BANK1: variants seen among roughly 807,000 people sequenced by gnomAD.
The protein encoded by BANK1 is B cell scaffold protein with ankyrin repeats 1.
BANK1 carries 95 observed loss-of-function variants against 94.5 expected under a neutral mutation model. That is an observed-to-expected ratio of 1.00 (90% CI 0.85 to 1.19). The LOEUF is 1.19. Ranked by LOEUF, BANK1 falls within the 50% of genes most tolerant of loss-of-function variation. BANK1 has a pLI of 0.00. For missense variants in BANK1, 987 were observed against 932.2 expected (o/e 1.06, Z -0.77); for synonymous variants, 334 against 308.4 (o/e 1.08, Z -0.87).
At chr4:101,867,371 A>C (rs961774630) in intron 4 of BANK1, among the ~76,000 whole-genome samples, 8 of 152,046 alleles carry the variant, frequency 5.3e-5, no homozygotes, top group Non-Finnish European at 8.8e-5. Flanking sequence ...AAAATGAAGG[A>C]GTTCATTACC....
intron 7 of BANK1, among the ~76,000 whole-genome samples, chr4:101,993,803 T>A (rs531292320): frequency 6.6e-6 from 1 of 152,332 alleles, no homozygotes; most frequent in Non-Finnish European, 1.5e-5. Context: ...AGCTTTTGGC[T>A]AAATGCCTTC....
chr4:101,946,225 G>A (rs749363921), intron 7 of BANK1, among the ~76,000 whole-genome samples: 6 of 151,838 alleles, frequency 4.0e-5, no homozygotes, highest in East Asian at 1.9e-4. Flanking sequence ...AATGTTATGC[G>A]ATGAGATAAT....
At chr4:102,041,072 A>G (rs542685923) in intron 10 of BANK1, among the ~76,000 whole-genome samples, 4 of 152,102 alleles carry the variant, frequency 2.6e-5, no homozygotes, top group Non-Finnish European at 5.9e-5. Context: ...TGCTTTACAA[A>G]ATAATGTACT....
intron 2 of BANK1, among the ~76,000 whole-genome samples, chr4:101,835,783 T>G (rs1033117623): frequency 3.3e-5 from 5 of 152,210 alleles, no homozygotes; most frequent in African/African-American, 1.2e-4. Flanking sequence ...CTTTCAGCTC[T>G]TTGAAGGTAT....
At position 101,893,266 on chromosome 4, in the gene BANK1, T is replaced by C. The variant is rs534459738; in HGVS notation, c.904-2039T>C. On this transcript the variant is annotated intron_variant, in intron 5 of 16. Coordinates refer to ENST00000322953, the MANE Select transcript of BANK1 (RefSeq NM_017935.5). ...TAGTTTTCATATTCCTAGTGGGAAC[T>C]CTTGCTGTTTTGAATTCTCATCTGT... is the stretch of plus-strand genomic sequence containing the variant. Among the ~76,000 whole-genome samples, 8 of 152,152 alleles carry C rather than the reference T, an allele frequency of 5.3e-5. No homozygotes were observed. In the South Asian group the frequency reaches 1.7e-3, roughly 32 times the overall value.
Position 102,074,318 on chromosome 4 carries a change from T to G in BANK1, c.*319T>G, listed in dbSNP as rs916453024. On this transcript the variant is annotated 3_prime_UTR_variant, in exon 17 of 17. Transcript: ENST00000322953. Reference sequence around the variant, plus strand: ...AAGAAAACAGCACAGAGAAGTTAAATGCGGTGTAGCAAAGTTATGGGGTCT... The same window carrying G: ...AAGAAAACAGCACAGAGAAGTTAAAGGCGGTGTAGCAAAGTTATGGGGTCT... The G allele has an allele frequency of 6.6e-6, 1 of 152,164 alleles. No homozygotes were observed. Among genetic ancestry groups the G allele is most frequent in the Non-Finnish European group, 1.5e-5 (1 of 67,978 alleles). The allele number at this position is 152,164 out of a possible 1,614,324, so 9.4% of individuals were successfully genotyped here. A position where few individuals can be genotyped will look rare whatever the true frequency, so the allele number is the denominator to read the frequency against.
intron 10 of BANK1, 111 bp from the exon 11 acceptor site, chr4:102,043,728 A>C (rs1727779237): frequency 1.7e-6 from 1 of 599,648 alleles, no homozygotes; most frequent in African/African-American, 1.8e-5. Context: ...CAATTCAGGA[A>C]CTGATACTCA....
chr4:102,007,170 A>ATATAT (rs1560682419), intron 7 of BANK1, among the ~76,000 whole-genome samples: 6 of 113,202 alleles, frequency 5.3e-5, no homozygotes, highest in East Asian at 2.2e-4. Flanking sequence ...ATATATATAT[A>ATATAT]AAATCCCTAA....
chr4:101,906,221 A>T (rs1238287598), intron 6 of BANK1, among the ~76,000 whole-genome samples: 1 of 152,210 alleles, frequency 6.6e-6, no homozygotes, highest in Non-Finnish European at 1.5e-5. Context: ...AAACAGCAAC[A>T]TTCTTTAACA....
intron 13 of BANK1, among the ~76,000 whole-genome samples, chr4:102,068,584 T>C (rs1368928431): frequency 6.6e-6 from 1 of 152,190 alleles, no homozygotes; most frequent in African/African-American, 2.4e-5. Context: ...CCCAGCACTT[T>C]GGGAGGCTGA....
intron 7 of BANK1, among the ~76,000 whole-genome samples, chr4:102,010,149 C>T (rs773455531): frequency 5.9e-4 from 89 of 151,784 alleles, no homozygotes; most frequent in Non-Finnish European, 9.6e-4. Flanking sequence ...CCTGTAGTCC[C>T]AGCTACTCGG....
At chr4:102,045,134 A>C (rs1280452946) in intron 11 of BANK1, among the ~76,000 whole-genome samples, 2 of 152,174 alleles carry the variant, frequency 1.3e-5, no homozygotes, top group African/African-American at 4.8e-5. Flanking sequence ...GGTAATGCCT[A>C]GGTTTTCTTC....
chr4:101,867,805 G>T (rs979920013), intron 4 of BANK1, among the ~76,000 whole-genome samples: 1 of 150,656 alleles, frequency 6.6e-6, no homozygotes, highest in Non-Finnish European at 1.5e-5. Flanking sequence ...ATAAATGGTA[G>T]GCTAAGAAGA....
chr4:102,047,211 C>T (rs897523102), intron 11 of BANK1, among the ~76,000 whole-genome samples: 1 of 152,098 alleles, frequency 6.6e-6, no homozygotes, highest in African/African-American at 2.4e-5. Flanking sequence ...AATGAGTGAT[C>T]CTCACCCATC....
rs28378367 is a variant in BANK1, at chr4:101,883,735, A to C, written c.904-11570A>C. On this transcript the variant is annotated intron_variant, in intron 5 of 16. Transcript: ENST00000322953. The stretch of plus-strand genomic sequence containing the variant: ...TTTTTAGAGGATTCATGTCTTAAAC[A>C]AGAAGAAACGTTTTAAAACAATCCA... Among the ~76,000 whole-genome samples, 1,056 of 152,338 alleles carry C rather than the reference A, an allele frequency of 6.9e-3. 13 individuals carry two copies. Among genetic ancestry groups the C allele is most frequent in the African/African-American group, 0.024 (984 of 41,566 alleles).
intron 5 of BANK1, among the ~76,000 whole-genome samples, chr4:101,894,922 C>G (rs979066119): frequency 1.3e-5 from 2 of 151,858 alleles, no homozygotes; most frequent in African/African-American, 4.8e-5. Context: ...TTTATCATTT[C>G]ATTTATTAAA....
intron 7 of BANK1, among the ~76,000 whole-genome samples, chr4:102,007,148 A>ATATATATAAAAAAAATATAT (rs1726329249): frequency 1.7e-4 from 2 of 12,032 alleles, no homozygotes; most frequent in African/African-American, 8.4e-4. Context: ...AATATATTTT[A>ATATATATAAAAAAAATATAT]TATATATATA....
At chr4:101,866,778 A>G (rs1728085921) in intron 4 of BANK1, among the ~76,000 whole-genome samples, 1 of 84,472 alleles carries the variant, frequency 1.2e-5, no homozygotes, top group Non-Finnish European at 2.2e-5. Flanking sequence ...ATGTCCAACA[A>G]TGATAGACTG....
intron 3 of BANK1, among the ~76,000 whole-genome samples, chr4:101,861,216 C>G (rs1453536747): frequency 1.3e-5 from 2 of 152,154 alleles, no homozygotes; most frequent in Non-Finnish European, 2.9e-5. Context: ...GTATTAGACT[C>G]TGGTGGAAAA....
Sources: allele counts gnomAD v4.1 joint callset (sites outside exome capture counted in the v4.1 genomes callset), GRCh38; gene constraint gnomAD v4.1.1; transcripts MANE v1.5; gene names NCBI Gene and HGNC (gene_info 2026-07-23, HGNC 2026-07-21).